Variants in SPATA45 observed in about 807,000 individuals in gnomAD.
The protein encoded by SPATA45 is spermatogenesis-associated protein 45.
A neutral mutation model predicts 7.0 loss-of-function variants in SPATA45; 5 were observed. The ratio of observed to expected loss-of-function variants is 0.71; its 90% confidence interval spans 0.37 to 1.50. The LOEUF is 1.50. Ranked by LOEUF, SPATA45 falls within the 40% of genes most tolerant of loss-of-function variation. SPATA45 has a pLI of 0.03. For synonymous variants in SPATA45, 40 were observed against 38.7 expected, an observed-to-expected ratio of 1.03 and a Z score of -0.13; for missense variants, 111 against 114.9, an observed-to-expected ratio of 0.97 and a Z score of 0.16.
intron 2 of SPATA45, among the ~76,000 whole-genome samples, chr1:212,833,068 T>A (rs1030105185): frequency 6.6e-6 from 1 of 151,184 alleles, no homozygotes; most frequent in East Asian, 1.9e-4. Flanking sequence ...TGTTGAGGAG[T>A]GCTGCTTAGA....
At chr1:212,835,132 T>C (rs1160896184) in intron 2 of SPATA45, among the ~76,000 whole-genome samples, 1 of 151,724 alleles carries the variant, frequency 6.6e-6, no homozygotes, top group East Asian at 1.9e-4. Context: ...ATTGCCTTTA[T>C]GCTATACCAG....
intron 1 of SPATA45, among the ~76,000 whole-genome samples, chr1:212,837,360 G>A (rs536299235): frequency 2.0e-5 from 3 of 151,654 alleles, no homozygotes; most frequent in African/African-American, 7.2e-5. Flanking sequence ...GCGGCCAGGC[G>A]CTGTGGCTCA....
chr1:212,836,388 T>C (rs1011516424), intron 1 of SPATA45, among the ~76,000 whole-genome samples: 1 of 151,608 alleles, frequency 6.6e-6, no homozygotes, highest in Non-Finnish European at 1.5e-5. Context: ...TGACACACAG[T>C]GGCATGATCT....
chr1:212,844,573 G>C (rs1281788844), intron 1 of SPATA45, among the ~76,000 whole-genome samples: 1 of 152,108 alleles, frequency 6.6e-6, no homozygotes, highest in Non-Finnish European at 1.5e-5. Context: ...ACCAGCAAAG[G>C]CAGGCTATGC....
rs1663562881 is a variant in SPATA45, at chr1:212,835,009, T to C, written c.277+864A>G. 1.3e-5 allele frequency among the ~76,000 whole-genome samples: 2 copies of C among 151,598 alleles called. 1 individual carries two copies. Among genetic ancestry groups the C allele is most frequent in the Non-Finnish European group, 3.0e-5 (2 of 67,770 alleles). On this transcript the variant is annotated intron_variant, in intron 2 of 2. Transcript: ENST00000332912. ...CCTCCCTAGAGTCTACTGAATGAGATGGCCTGAAGCTGAGGCCTGGGATTC... is the reference window on the plus strand; with the variant it reads ...CCTCCCTAGAGTCTACTGAATGAGACGGCCTGAAGCTGAGGCCTGGGATTC...
At chr1:212,841,631 CTT>C (rs5780702) in intron 1 of SPATA45, among the ~76,000 whole-genome samples, 3,694 of 125,284 alleles carry the variant, frequency 0.029, 51 homozygotes, top group African/African-American at 0.071. Flanking sequence ...AGGTATCTTT[CTT>C]TTTTTTTTTT....
chr1:212,844,007 T>C (rs1265911039), intron 1 of SPATA45, among the ~76,000 whole-genome samples: 1 of 152,116 alleles, frequency 6.6e-6, no homozygotes, highest in African/African-American at 2.4e-5. Context: ...TTCCATTCCT[T>C]AAAAGACAGC....
At chr1:212,835,249 C>A (rs1369675036) in intron 2 of SPATA45, among the ~76,000 whole-genome samples, 1 of 151,618 alleles carries the variant, frequency 6.6e-6, no homozygotes, top group Non-Finnish European at 1.5e-5. Flanking sequence ...ATAGGCCGGG[C>A]ACGGTGGCTC....
chr1:212,832,013 T>C, intron 2 of SPATA45, among the ~76,000 whole-genome samples: 1 of 106,846 alleles, frequency 9.4e-6, no homozygotes, highest in African/African-American at 3.2e-5. Flanking sequence ...GACATTTACT[T>C]CCTTTTTTTT....
rs1334911202 is a variant in SPATA45, at chr1:212,836,130, G to A, written c.20C>T (p.Thr7Ile). 2 of 1,603,948 alleles carry A rather than the reference G, an allele frequency of 1.2e-6. No individual in the cohort carries two copies. Among genetic ancestry groups the A allele is most frequent in the Non-Finnish European group, 1.7e-6 (2 of 1,171,560 alleles). The change falls in exon 2 of 3, where the codon ACC becomes ATC. Residue 7 changes from threonine to isoleucine, a missense_variant. Physicochemically the swap from Thr to Ile is moderately conservative, Grantham distance 89. Coordinates refer to ENST00000332912, the MANE Select transcript of SPATA45 (RefSeq NM_001024601.3). ...TCCATGTTTTTTCATTATTTCAATG[G>A]TTCTGTTTATAGATGCCATTATGGT... MASINR[T>I]IEIMKKHGVS... is the part of the protein sequence containing the mutation.
intron 1 of SPATA45, among the ~76,000 whole-genome samples, chr1:212,837,549 C>T (rs1414778193): frequency 6.6e-6 from 1 of 151,648 alleles, no homozygotes; most frequent in African/African-American, 2.4e-5. Flanking sequence ...ATGAGAGTCG[C>T]TTGAACCCGG....
chr1:212,837,058 T>C (rs1663599267), intron 1 of SPATA45, among the ~76,000 whole-genome samples: 1 of 151,460 alleles, frequency 6.6e-6, no homozygotes. Flanking sequence ...AGAGGATATA[T>C]TATTGTTTTT....
intron 1 of SPATA45, among the ~76,000 whole-genome samples, chr1:212,840,213 C>G (rs1402087621): frequency 1.3e-5 from 2 of 148,864 alleles, no homozygotes; most frequent in Non-Finnish European, 3.0e-5. Flanking sequence ...GAGTTCAAGA[C>G]CAGCCTGGCC....
intron 1 of SPATA45, among the ~76,000 whole-genome samples, chr1:212,842,665 G>A (rs7520185): frequency 0.43 from 66,111 of 152,054 alleles, 15,520 homozygotes; most frequent in East Asian, 0.53. Context: ...TCAGTTTCCT[G>A]ATGTGTTAAA....
In SPATA45 at chr1:212,843,298, AAAAGAAAAGAAAG is replaced by A. The variant is rs1663726172; in HGVS notation, c.-39+4269_-39+4281del. 2.0e-5 allele frequency among the ~76,000 whole-genome samples: 3 copies of A among 152,190 alleles called. No individual in the cohort carries two copies. In the South Asian group the frequency reaches 6.2e-4, roughly 31 times the overall value. ...AAAGTGACACTCCATCTCAAAAAAA[AAAAGAAAAGAAAG>A]AAAGAAAAGTAAAGAAAATAATATC... is the stretch of plus-strand genomic sequence containing the variant. On this transcript the variant is annotated intron_variant, in intron 1 of 2. Transcript: ENST00000332912.
Position 212,835,984 on chromosome 1 carries a change from G to A in SPATA45, c.166C>T (p.Gln56Ter). Reference protein sequence around the residue: ...VQKRHFPDAYQSFTDTTTKEP... With the variant: ...VQKRHFPDAY Reference sequence around the variant, plus strand: ...TTGGTTGTGGTATCAGTAAAGGACTGATAGGCATCCGGGAAGTGCCTCTTT... The same window carrying A: ...TTGGTTGTGGTATCAGTAAAGGACTAATAGGCATCCGGGAAGTGCCTCTTT... Residue 56 changes from glutamine to a stop codon, truncating the protein, a stop_gained, in exon 2 of 3, where the codon CAG (glutamine) becomes TAG (stop). Coordinates refer to ENST00000332912, the MANE Select transcript of SPATA45 (RefSeq NM_001024601.3). LOFTEE classifies it high-confidence loss of function. 3.7e-6 allele frequency: 6 copies of A among 1,611,014 alleles called. No homozygotes were observed. The highest frequency in any genetic ancestry group is 5.1e-6 in the Non-Finnish European group (6 of 1,177,570).
chr1:212,844,544 C>T (rs762262089), intron 1 of SPATA45, among the ~76,000 whole-genome samples: 2 of 152,176 alleles, frequency 1.3e-5, no homozygotes, highest in Non-Finnish European at 2.9e-5. Context: ...GGCAGTTCCA[C>T]CATGCCTAAT....
chr1:212,837,520 C>G (rs1294227125), intron 1 of SPATA45, among the ~76,000 whole-genome samples: 4 of 151,672 alleles, frequency 2.6e-5, no homozygotes, highest in African/African-American at 9.7e-5. Flanking sequence ...GTAATCCCAG[C>G]TACTCAGGAG....
In SPATA45 at chr1:212,831,704, A is replaced by G. The variant is rs534853589; in HGVS notation, c.278-1443T>C. Among the ~76,000 whole-genome samples the G allele has an allele frequency of 3.5e-4, 53 of 151,384 alleles. 1 individual carries two copies. Among genetic ancestry groups the G allele is most frequent in the Admixed American group, 2.8e-3 (43 of 15,136 alleles). On this transcript the variant is annotated intron_variant, in intron 2 of 2. Transcript: ENST00000332912. The stretch of plus-strand genomic sequence containing the variant: ...AATAGAAGCAAAGAGGATCACCCAG[A>G]ACTCCAAATACTCTATGCAAAATCT...
Sources: gnomAD v4.1 joint callset for allele counts (sites outside exome capture counted in the v4.1 genomes callset) on GRCh38, gnomAD v4.1.1 for gene constraint, MANE v1.5 for transcripts, NCBI Gene and HGNC (gene_info 2026-07-23, HGNC 2026-07-21) for gene names.